Variants in LAMA4 observed in about 807,000 individuals in gnomAD.
The protein encoded by LAMA4 is laminin subunit alpha-4.
Under a neutral mutation model 207.1 loss-of-function variants are expected in LAMA4, and 127 were observed. The ratio of observed to expected loss-of-function variants is 0.61; its 90% CI spans 0.53 to 0.71. LAMA4 has a LOEUF of 0.71. Among genes scored for constraint, LAMA4 ranks in the 30% least tolerant of loss-of-function variants. The pLI is 0.00. For synonymous variants in LAMA4, 761 were observed against 816.0 expected, an observed-to-expected ratio of 0.93 and a Z score of 1.15; for missense variants, 2,093 against 2,246.5, an observed-to-expected ratio of 0.93 and a Z score of 1.38.
Position 112,133,444 on chromosome 6 carries a change from A to G in LAMA4, c.3601T>C (p.Cys1201Arg), listed in dbSNP as rs1779159322. The G allele has an allele frequency of 6.2e-7, 1 of 1,613,806 alleles. No homozygotes were observed. Among genetic ancestry groups the G allele is most frequent in the Non-Finnish European group, 8.5e-7 (1 of 1,179,752 alleles). The part of the protein sequence containing the change: ...HLPLDINFRG[C>R]MKGFQFQKKD... ...TTTTGGAACTGGAAGCCCTTCATGCATCCTCTGAAGTTGATATCTAGGGGA... is the reference window on the plus strand; with the variant it reads ...TTTTGGAACTGGAAGCCCTTCATGCGTCCTCTGAAGTTGATATCTAGGGGA... The change falls in exon 27 of 39, where the codon TGC becomes CGC. Residue 1201 changes from cysteine (C) to arginine (R), a missense_variant. Physicochemically the swap from Cys to Arg is radical, Grantham distance 180 (BLOSUM62 -3). This residue lies in a region of LAMA4 where 1,704 missense variants were observed against 1,788.4 expected (regional missense o/e 0.95). Coordinates refer to ENST00000230538, the MANE Select transcript of LAMA4 (RefSeq NM_001105206.3).
chr6:112,120,504 G>A, intron 32 of LAMA4, 32 bp from the exon 33 acceptor site: 5 of 1,519,150 alleles, frequency 3.3e-6, no homozygotes, highest in Non-Finnish European at 2.7e-6. Flanking sequence ...ATTACCATAT[G>A]TAAAATGAGA....
rs1214168929 is a variant in LAMA4 at position 112,109,329 on chromosome 6, C to T, written c.*108G>A. The T allele has an allele frequency of 1.2e-5, 15 of 1,216,554 alleles. No individual in the cohort carries two copies. In the East Asian group the frequency reaches 1.9e-4, roughly 16 times the overall value. 75.4% of individuals were successfully genotyped at this position (1,216,554 alleles called of 1,614,324 possible). ...TGATTCGTTTAAGTCCTGTTCAACTCGATGAAAGCTTCCACCCGAAGGAAG... is the reference window on the plus strand; with the variant it reads ...TGATTCGTTTAAGTCCTGTTCAACTTGATGAAAGCTTCCACCCGAAGGAAG... On this transcript the variant is annotated 3_prime_UTR_variant, in exon 39 of 39. Transcript: ENST00000230538.
intron 6 of LAMA4, among the ~76,000 whole-genome samples, 168 bp downstream of exon 6, chr6:112,191,468 C>A (rs1783116354): frequency 6.6e-6 from 1 of 152,210 alleles, no homozygotes; most frequent in Admixed American, 6.5e-5. Flanking sequence ...ATAAAAATTT[C>A]TATCCCTGAT....
chr6:112,236,017 C>T (rs1190905526), intron 2 of LAMA4: 1 of 152,196 alleles, frequency 6.6e-6, no homozygotes, highest in Non-Finnish European at 1.5e-5. Context: ...CGAAGGTAAA[C>T]ATGGATATAT....
rs587621797 is a variant in LAMA4 at position 112,119,369 on chromosome 6, G to T, written c.4666-58C>A. 7 of 1,577,466 alleles carry T rather than the reference G, an allele frequency of 4.4e-6. No homozygotes were observed. The African/African-American group carries it at 9.4e-5, about 21-fold the overall frequency. On this transcript the variant is annotated intron_variant, in intron 33 of 38. Transcript: ENST00000230538. ...GGTACATTCCAAGATTGCAGAAAAG[G>T]CTGTGTTTCCTCTTCTTCCAACTTT...
chr6:112,123,878 C>A (rs1174878484), intron 31 of LAMA4, among the ~76,000 whole-genome samples: 1 of 152,170 alleles, frequency 6.6e-6, no homozygotes, highest in African/African-American at 2.4e-5. Context: ...AACAAGGTTT[C>A]TCTCTTGGAT....
At chr6:112,250,871 T>C (rs1787395940) in intron 2 of LAMA4, among the ~76,000 whole-genome samples, 1 of 152,246 alleles carries the variant, frequency 6.6e-6, no homozygotes, top group Non-Finnish European at 1.5e-5. Flanking sequence ...ACACCAGTTC[T>C]TTTCCATATC....
At chr6:112,142,887 T>A (rs1779787244) in intron 19 of LAMA4, among the ~76,000 whole-genome samples, 1 of 152,198 alleles carries the variant, frequency 6.6e-6, no homozygotes, top group Admixed American at 6.5e-5. Context: ...ATGAGGATAA[T>A]AAATTTGTTG....
chr6:112,139,038 A>T, intron 24 of LAMA4, 82 bp downstream of exon 24: 2 of 1,350,530 alleles, frequency 1.5e-6, no homozygotes, highest in Non-Finnish European at 2.1e-6. Flanking sequence ...GACACACTAG[A>T]CCTGGGAAGG....
Position 112,253,968 on chromosome 6 carries a change from C to T in LAMA4, c.183G>A (p.Pro61=). Reference sequence around the variant, plus strand: ...AGGGACACTGTACCTCGGCCGCAGGCGGCAGGCGTCCCAGAGCCACGCGGG... The same window carrying T: ...AGGGACACTGTACCTCGGCCGCAGGTGGCAGGCGTCCCAGAGCCACGCGGG... ...SEPRVALGRL[P]PAAEKCNAGF... The change falls in exon 2 of 39, where the codon CCG becomes CCA. Residue 61 remains proline (P), a synonymous_variant. Coordinates refer to ENST00000230538, the MANE Select transcript of LAMA4 (RefSeq NM_001105206.3). 3.1e-6 allele frequency: 5 copies of T among 1,590,180 alleles called. No individual in the cohort carries two copies. The highest frequency in any genetic ancestry group is 1.7e-6 in the Non-Finnish European group (2 of 1,167,812).
chr6:112,133,804 A>C (rs542562381), intron 26 of LAMA4, among the ~76,000 whole-genome samples: 1 of 152,348 alleles, frequency 6.6e-6, no homozygotes, highest in East Asian at 1.9e-4. Context: ...ATTAGGTTGA[A>C]TCATAGGAAC....
rs1784102899 is a variant in LAMA4 at position 112,207,120 on chromosome 6, T to C, written c.323A>G (p.Glu108Gly). Reference protein sequence around the residue: ...CVHCQRNTTGEHCEKCLDGYI... With the variant: ...CVHCQRNTTGGHCEKCLDGYI... ...ACCATCCAGACACTTTTCACAGTGC[T>C]CTCCTGTTGTGTTCCGCTGGCAGTG... is the stretch of plus-strand genomic sequence containing the variant. Residue 108 changes from glutamate (E) to glycine (G), a missense_variant, in exon 4 of 39, where the codon GAG becomes GGG. Around this residue, in one of 3 missense-constraint regions of LAMA4, gnomAD observed 1,704 missense variants for 1,788.4 expected, o/e 0.95. Transcript: ENST00000230538. 6.2e-7 allele frequency: 1 copy of C among 1,613,818 alleles called. No homozygotes were observed. The highest frequency in any genetic ancestry group is 8.5e-7 in the Non-Finnish European group (1 of 1,179,956).
chr6:112,191,934 G>A, intron 5 of LAMA4, 84 bp from the exon 6 acceptor site: 1 of 1,050,870 alleles, frequency 9.5e-7, no homozygotes, highest in Non-Finnish European at 1.4e-6. Flanking sequence ...GAAGAAAGAT[G>A]TAGTGGATAT....
intron 4 of LAMA4, among the ~76,000 whole-genome samples, chr6:112,203,885 C>A (rs1287293357): frequency 1.3e-5 from 2 of 152,156 alleles, no homozygotes. Flanking sequence ...ATTTAGAGCA[C>A]ATTCTCTAAG....
intron 17 of LAMA4, among the ~76,000 whole-genome samples, chr6:112,148,835 A>T (rs574563056): frequency 6.6e-6 from 1 of 151,782 alleles, no homozygotes; most frequent in Non-Finnish European, 1.5e-5. Flanking sequence ...AGGGGATGGG[A>T]TTATAGGTGA....
At chr6:112,121,512 A>T (rs1778354014) in intron 32 of LAMA4, among the ~76,000 whole-genome samples, 1 of 152,224 alleles carries the variant, frequency 6.6e-6, no homozygotes, top group African/African-American at 2.4e-5. Context: ...TGTAAAAATA[A>T]TTCTTCAGTA....
upstream of LAMA4, chr6:112,254,889 G>A (rs1177742394): frequency 6.6e-6 from 1 of 152,282 alleles, no homozygotes; most frequent in African/African-American, 2.4e-5. Context: ...AGAGGGTCAG[G>A]GTGCCCACTT....
At position 112,136,104 on chromosome 6, in the gene LAMA4, A is replaced by G; in HGVS notation, c.3414+19T>C. The stretch of plus-strand genomic sequence containing the variant: ...ATAAAGAACAAAAACAAAACCAACC[A>G]AACTACAATGATTTGTACCTCATGG... On this transcript the variant is annotated intron_variant, in intron 25 of 38. Transcript: ENST00000230538. 6.2e-7 allele frequency: 1 copy of G among 1,609,444 alleles called. No individual in the cohort carries two copies. The highest frequency in any genetic ancestry group is 2.2e-5 in the East Asian group (1 of 44,746).
intron 4 of LAMA4, among the ~76,000 whole-genome samples, chr6:112,205,949 G>T (rs1784033907): frequency 6.6e-6 from 1 of 152,200 alleles, no homozygotes; most frequent in Non-Finnish European, 1.5e-5. Flanking sequence ...GTGACACGTG[G>T]AGGTGCTGAG....
Sources: allele counts gnomAD v4.1 joint callset (sites outside exome capture counted in the v4.1 genomes callset), GRCh38; gene constraint gnomAD v4.1.1; regional missense constraint gnomAD v4.1.1; transcripts MANE v1.5; gene names NCBI Gene and HGNC (gene_info 2026-07-23, HGNC 2026-07-21).